The following FHIT variants were observed in gnomAD, a reference collection of about 807,000 sequenced individuals.
FHIT encodes fragile histidine triad diadenosine triphosphatase, also known as bis(5'-adenosyl)-triphosphatase.
In FHIT, 19 loss-of-function variants were observed where a neutral mutation model predicts 17.9. That is an observed-to-expected ratio of 1.06 (90% CI 0.74 to 1.56). The LOEUF (loss-of-function observed/expected upper bound fraction) is 1.56, where lower values mean the gene tolerates loss of function less well. Ranked by LOEUF, FHIT falls within the 40% of genes most tolerant of loss-of-function variation. FHIT has a pLI of 0.00. For synonymous variants in FHIT, 81 were observed against 69.7 expected (o/e 1.16, Z -0.81); for missense variants, 248 against 189.2 (o/e 1.31, Z -1.82).
intron 5 of FHIT, among the ~76,000 whole-genome samples, chr3:60,267,830 T>C (rs189849656): frequency 1.5e-4 from 23 of 152,320 alleles, no homozygotes; most frequent in African/African-American, 5.5e-4. Flanking sequence ...AAACTATTTA[T>C]TGAAGATGTG....
chr3:61,138,147 G>C (rs1184362313), intron 2 of FHIT, among the ~76,000 whole-genome samples: 2 of 152,168 alleles, frequency 1.3e-5, no homozygotes, highest in Non-Finnish European at 2.9e-5. Flanking sequence ...CTAAGACATG[G>C]CTTCCCACTG....
intron 4 of FHIT, among the ~76,000 whole-genome samples, chr3:60,701,248 A>G (rs9840107): frequency 6.6e-6 from 1 of 151,536 alleles, no homozygotes; most frequent in Non-Finnish European, 1.5e-5. Context: ...CTCAGCCTCC[A>G]AAGTAGCTGG....
chr3:61,065,156 C>G (rs1264866065), intron 2 of FHIT, among the ~76,000 whole-genome samples: 1 of 151,972 alleles, frequency 6.6e-6, no homozygotes, highest in African/African-American at 2.4e-5. Flanking sequence ...GTCAGGTAAA[C>G]AGAGTTTTGT....
At chr3:61,160,810 AT>A (rs1289120093) in intron 2 of FHIT, among the ~76,000 whole-genome samples, 1 of 152,162 alleles carries the variant, frequency 6.6e-6, no homozygotes, top group Admixed American at 6.6e-5. Context: ...TCTTTAATGC[AT>A]TTCTCTTTGG....
In FHIT at chr3:60,137,793, C is replaced by T. The variant is rs1259242255; in HGVS notation, c.104-123641G>A. Among the ~76,000 whole-genome samples, 4 of 152,110 alleles carry T rather than the reference C, an allele frequency of 2.6e-5. No individual in the cohort carries two copies. In the East Asian group the frequency reaches 7.7e-4, roughly 29 times the overall value. ...TAAAATGAGGGTAAGAATATCCACT[C>T]AATAAGTATATGATAAAAAGAAAGT... On this transcript the variant is annotated intron_variant, in intron 5 of 9. Transcript: ENST00000492590.
chr3:60,460,622 A>G (rs952078918), intron 5 of FHIT, among the ~76,000 whole-genome samples: 4 of 152,198 alleles, frequency 2.6e-5, no homozygotes, highest in African/African-American at 9.6e-5. Context: ...CACAGAATAC[A>G]GACAGCTTTA....
intron 2 of FHIT, among the ~76,000 whole-genome samples, chr3:61,166,230 C>T (rs1285431607): frequency 6.6e-6 from 1 of 152,218 alleles, no homozygotes; most frequent in Non-Finnish European, 1.5e-5. Context: ...CACAAACAAC[C>T]TGAGAGTAGT....
chr3:60,257,228 A>G (rs1706045309), intron 5 of FHIT, among the ~76,000 whole-genome samples: 3 of 152,182 alleles, frequency 2.0e-5, no homozygotes, highest in Admixed American at 2.0e-4. Flanking sequence ...GTTATGACTT[A>G]ACCTATTGCT....
At chr3:60,373,256 G>A (rs1157425100) in intron 5 of FHIT, among the ~76,000 whole-genome samples, 3 of 152,148 alleles carry the variant, frequency 2.0e-5, no homozygotes, top group Non-Finnish European at 2.9e-5. Context: ...GTCCTTGGGT[G>A]GGGAGGCTGG....
chr3:60,907,580 G>A (rs1439617902), intron 3 of FHIT, among the ~76,000 whole-genome samples: 1 of 152,186 alleles, frequency 6.6e-6, no homozygotes, highest in Non-Finnish European at 1.5e-5. Context: ...AGTGATAACA[G>A]TATTATGATT....
intron 5 of FHIT, among the ~76,000 whole-genome samples, chr3:60,377,703 G>A (rs532278931): frequency 2.1e-5 from 3 of 141,836 alleles, no homozygotes; most frequent in Non-Finnish European, 3.1e-5. Context: ...GGATGGTCTC[G>A]ATCTCCTGAC....
At chr3:60,216,619 C>T (rs1253062122) in intron 5 of FHIT, among the ~76,000 whole-genome samples, 1 of 152,148 alleles carries the variant, frequency 6.6e-6, no homozygotes, top group African/African-American at 2.4e-5. Context: ...AAGCTGACTG[C>T]TTAGAGTATG....
intron 5 of FHIT, among the ~76,000 whole-genome samples, chr3:60,051,673 C>G (rs1701886253): frequency 6.6e-6 from 1 of 152,094 alleles, no homozygotes. Flanking sequence ...ATATTTTGCA[C>G]CCACTGTGTA....
At chr3:59,793,318 G>GCCAAATAATGAAGCAGCCTGTTTTTCAGT (rs1699645381) in intron 8 of FHIT, among the ~76,000 whole-genome samples, 1 of 152,150 alleles carries the variant, frequency 6.6e-6, no homozygotes, top group Admixed American at 6.5e-5. Flanking sequence ...TGTTTTTCAG[G>GCCAAATAATGAAGCAGCCTGTTTTTCAGT]CCAACTAATG....
intron 5 of FHIT, among the ~76,000 whole-genome samples, chr3:60,034,819 G>A (rs1257700550): frequency 6.6e-6 from 1 of 152,146 alleles, no homozygotes; most frequent in Non-Finnish European, 1.5e-5. Context: ...GGTTAGAAAT[G>A]TTAGAAATGG....
intron 5 of FHIT, among the ~76,000 whole-genome samples, chr3:60,521,119 A>G (rs1250196167): frequency 1.3e-5 from 2 of 152,060 alleles, no homozygotes; most frequent in African/African-American, 4.8e-5. Context: ...GAAATGCAGT[A>G]TTTTTTTAAA....
intron 5 of FHIT, among the ~76,000 whole-genome samples, chr3:60,499,565 G>A (rs1468136514): frequency 6.6e-6 from 1 of 152,098 alleles, no homozygotes; most frequent in African/African-American, 2.4e-5. Flanking sequence ...CTAATATTTT[G>A]TATCTTTAGT....
At chr3:60,350,256 A>T (rs73107028) in intron 5 of FHIT, among the ~76,000 whole-genome samples, 1 of 152,014 alleles carries the variant, frequency 6.6e-6, no homozygotes, top group East Asian at 1.9e-4. Context: ...GCAAGCAGGG[A>T]AAACTTGGTA....
chr3:60,895,647 TTCCC>T lies in FHIT; in HGVS notation c.-110-73640_-110-73637del, dbSNP rs879997064. Among the ~76,000 whole-genome samples, 493 of 146,684 alleles carry T rather than the reference TTCCC, an allele frequency of 3.4e-3. 4 individuals carry two copies. Among genetic ancestry groups the T allele is most frequent in the Middle Eastern group, 0.01 (3 of 286 alleles). ...GCCCTTTCTCCCTTCTTTCCTTCCT[TTCCC>T]TCCTTCCTTCCTTCCTTTCTTTCTT... On this transcript the variant is annotated intron_variant, in intron 3 of 9. Transcript: ENST00000492590.
Sources: gnomAD v4.1 joint callset for allele counts (sites outside exome capture counted in the v4.1 genomes callset) on GRCh38, gnomAD v4.1.1 for gene constraint, MANE v1.5 for transcripts, NCBI Gene and HGNC (gene_info 2026-07-23, HGNC 2026-07-21) for gene names.